Variants in HGD observed in about 807,000 individuals in gnomAD.
The protein encoded by HGD is homogentisate oxidase.
HGD carries 61 observed loss-of-function variants against 60.8 expected under a neutral mutation model. That is an observed-to-expected ratio of 1.00 (90% CI 0.82 to 1.24). The LOEUF (loss-of-function observed/expected upper bound fraction) is 1.24, where lower values mean the gene tolerates loss of function less well. Ranked by LOEUF, HGD falls within the 50% of genes most tolerant of loss-of-function variation. The pLI, the probability that HGD is intolerant of heterozygous loss-of-function variation, is 0.00. For synonymous variants in HGD, 212 were observed against 187.7 expected, an observed-to-expected ratio of 1.13 and a Z score of -1.06; for missense variants, 542 against 547.1, an observed-to-expected ratio of 0.99 and a Z score of 0.09.
intron 11 of HGD, 97 bp from the exon 12 acceptor site, chr3:120,638,678 C>T (rs769800661): frequency 1.4e-6 from 2 of 1,397,022 alleles, no homozygotes; most frequent in Admixed American, 1.8e-5. Context: ...TTGCAAGTGA[C>T]ATTCTAATTT....
chr3:120,682,064 A>T, intron 1 of HGD, 33 bp downstream of exon 1: 1 of 1,610,506 alleles, frequency 6.2e-7, no homozygotes, highest in Non-Finnish European at 8.5e-7. Context: ...TTGGCTGAAG[A>T]AGCCATAGCA....
intron 4 of HGD, among the ~76,000 whole-genome samples, chr3:120,669,874 TAATC>T (rs1433826927): frequency 6.6e-6 from 1 of 152,336 alleles, no homozygotes; most frequent in East Asian, 1.9e-4. Context: ...TGTATATACA[TAATC>T]AATCCATCAT....
intron 11 of HGD, 102 bp downstream of exon 11, chr3:120,641,487 T>C (rs1383097506): frequency 4.9e-6 from 4 of 811,908 alleles, no homozygotes; most frequent in South Asian, 1.4e-5. Context: ...CTTCCAATGG[T>C]GACATTGGAA....
At chr3:120,646,235 G>T (rs934708973) in intron 9 of HGD, 32 bp downstream of exon 9, 34 of 1,296,460 alleles carry the variant, frequency 2.6e-5, no homozygotes, top group Non-Finnish European at 3.7e-5. Flanking sequence ...TACATCTCAA[G>T]CGAGGCTTAG....
chr3:120,659,943 TG>T (rs1478401982), intron 4 of HGD, among the ~76,000 whole-genome samples: 16 of 144,784 alleles, frequency 1.1e-4, no homozygotes, highest in African/African-American at 3.5e-4. Flanking sequence ...CAAGAGAGAG[TG>T]GGGGGTGGTT....
chr3:120,678,973 T>A lies in HGD; in HGVS notation c.16-3110A>T, dbSNP rs138626680. On this transcript the variant is annotated intron_variant, in intron 1 of 13. Transcript: ENST00000283871. ...AAGTATACTGTGTACAAAAATAAGA[T>A]TAAAAAGCTAACATTAAGCAAGTGT... Among the ~76,000 whole-genome samples the A allele has an allele frequency of 1.2e-4, 18 of 152,312 alleles. No individual in the cohort carries two copies. The East Asian group carries it at 3.3e-3, about 28-fold the overall frequency.
At chr3:120,644,706 A>T (rs1941105831) in intron 9 of HGD, 1 of 1,047,366 alleles carries the variant, frequency 9.5e-7, no homozygotes, top group Non-Finnish European at 1.4e-6. Flanking sequence ...TATATGCATT[A>T]TCTTATCACT....
intron 3 of HGD, chr3:120,674,551 A>G: frequency 4.4e-6 from 1 of 229,542 alleles, no homozygotes; most frequent in South Asian, 3.8e-5. Flanking sequence ...TAGTCATTAT[A>G]AAACAAAACA....
At chr3:120,652,078 TATGCTC>T (rs1172221103) in intron 5 of HGD, among the ~76,000 whole-genome samples, 2 of 152,176 alleles carry the variant, frequency 1.3e-5, no homozygotes, top group African/African-American at 2.4e-5. Context: ...AAAGTATATT[TATGCTC>T]ATACCAGAAT....
chr3:120,652,771 C>T, intron 4 of HGD, 120 bp from the exon 5 acceptor site: 1 of 696,196 alleles, frequency 1.4e-6, no homozygotes, highest in African/African-American at 1.8e-5. Context: ...TGAGGCTCTA[C>T]TTGTGATTTT....
chr3:120,675,081 C>G, intron 2 of HGD, 92 bp from the exon 3 acceptor site: 2 of 831,592 alleles, frequency 2.4e-6, no homozygotes, highest in Non-Finnish European at 4.2e-6. Context: ...TGGGGATGCT[C>G]TGGGCGACTG....
rs1229321505 is a variant in HGD, at chr3:120,652,376, TATAA to T, written c.342+212_342+215del. Among the ~76,000 whole-genome samples, 4 of 152,296 alleles carry T rather than the reference TATAA, an allele frequency of 2.6e-5. No homozygotes were observed. The South Asian group carries it at 6.2e-4, about 24-fold the overall frequency. ...TCAATTGTCATTGGCCTTTCTGAGA[TATAA>T]ATAGTTCATGAATACCCTCTGGTGT... On this transcript the variant is annotated intron_variant, in intron 5 of 13. Coordinates refer to ENST00000283871, the MANE Select transcript of HGD (RefSeq NM_000187.4).
intron 13 of HGD, among the ~76,000 whole-genome samples, 195 bp from the exon 14 acceptor site, chr3:120,628,724 G>A (rs1299782329): frequency 6.6e-6 from 1 of 152,126 alleles, no homozygotes; most frequent in African/African-American, 2.4e-5. Context: ...AAGCTGGTGA[G>A]ACCTGGTACA....
chr3:120,676,016 A>G (rs187047990), intron 1 of HGD, among the ~76,000 whole-genome samples, 153 bp from the exon 2 acceptor site: 1 of 152,334 alleles, frequency 6.6e-6, no homozygotes, highest in East Asian at 1.9e-4. Context: ...TGACATATGA[A>G]TCATTTAGGG....
At chr3:120,641,841 C>T in intron 10 of HGD, 148 bp from the exon 11 acceptor site, 1 of 686,716 alleles carries the variant, frequency 1.5e-6, no homozygotes, top group Non-Finnish European at 2.6e-6. Flanking sequence ...GAAGTATAAC[C>T]CTGAATCATT....
At position 120,633,161 on chromosome 3, in the gene HGD, C is replaced by G; in HGVS notation, c.1174G>C (p.Ala392Pro). ...SKVKLAPERI[A>P]DGTMAFMFES... is the part of the protein sequence containing the mutation. ...AACATACTTACCATGGTGCCATCGG[C>G]AATCCTCTCAGGTGCCAGCTTGACC... The change falls in exon 13 of 14, where the codon GCC becomes CCC. Residue 392 changes from alanine (A) to proline (P), a missense_variant. This residue lies in a region of HGD where 537 missense variants were observed against 529.1 expected (regional missense o/e 1.01). Coordinates refer to ENST00000283871, the MANE Select transcript of HGD (RefSeq NM_000187.4). 2 of 1,614,088 alleles carry G rather than the reference C, an allele frequency of 1.2e-6. No individual in the cohort carries two copies. Among genetic ancestry groups the G allele is most frequent in the Non-Finnish European group, 1.7e-6 (2 of 1,179,998 alleles).
intron 1 of HGD, 97 bp downstream of exon 1, chr3:120,681,996 CCTCT>C (rs1434446072): frequency 3.9e-5 from 41 of 1,057,346 alleles, no homozygotes; most frequent in Non-Finnish European, 5.1e-5. Context: ...TGAACCAGGG[CCTCT>C]CTAAGTCTTT....
Position 120,628,360 on chromosome 3 carries a change from A to T in HGD, c.*20T>A, listed in dbSNP as rs1445768273. On this transcript the variant is annotated 3_prime_UTR_variant, in exon 14 of 14. Coordinates refer to ENST00000283871, the MANE Select transcript of HGD (RefSeq NM_000187.4). ...AATCTTCACAAATCTACTCTTAATT[A>T]TGGTAGCAATGTTCCAGTCTCAATT... 4.3e-6 allele frequency: 7 copies of T among 1,612,226 alleles called. No individual in the cohort carries two copies. Among genetic ancestry groups the T allele is most frequent in the Non-Finnish European group, 5.9e-6 (7 of 1,178,482 alleles).
At chr3:120,655,279 C>G (rs1204312421) in intron 4 of HGD, among the ~76,000 whole-genome samples, 2 of 152,116 alleles carry the variant, frequency 1.3e-5, no homozygotes, top group African/African-American at 4.8e-5. Flanking sequence ...GTCATGAGAA[C>G]AGAGAGCCTG....
Sources: allele counts gnomAD v4.1 joint callset (sites outside exome capture counted in the v4.1 genomes callset), GRCh38; gene constraint gnomAD v4.1.1; regional missense constraint gnomAD v4.1.1; transcripts MANE v1.5; gene names NCBI Gene and HGNC (gene_info 2026-07-23, HGNC 2026-07-21).